The following BTBD1 variants were observed in gnomAD, a reference collection of about 807,000 sequenced individuals.
BTBD1 encodes the protein BTB/POZ domain-containing protein 1.
A neutral mutation model predicts 48.0 loss-of-function variants in BTBD1; 34 were observed. The observed-to-expected ratio is 0.71, with a 90% CI of 0.54 to 0.94. The LOEUF (loss-of-function observed/expected upper bound fraction) is 0.94. BTBD1 is among the 40% of genes least tolerant of loss of function. BTBD1 has a pLI of 0.00. For missense variants in BTBD1, 543 were observed against 625.6 expected, an observed-to-expected ratio of 0.87 and a Z score of 1.41; for synonymous variants, 261 against 242.1, an observed-to-expected ratio of 1.08 and a Z score of -0.72.
intron 6 of BTBD1, among the ~76,000 whole-genome samples, chr15:83,019,206 T>C (rs1015609093): frequency 2.6e-5 from 4 of 151,934 alleles, no homozygotes; most frequent in Admixed American, 6.6e-5. Flanking sequence ...ATTACAGATG[T>C]GCGCGACCAC....
intron 4 of BTBD1, among the ~76,000 whole-genome samples, chr15:83,040,574 C>T (rs2032732325): frequency 6.6e-6 from 1 of 151,634 alleles, no homozygotes. Flanking sequence ...GCGGTGCACG[C>T]CTGTAATCCC....
intron 2 of BTBD1, among the ~76,000 whole-genome samples, chr15:83,051,026 C>T (rs902103450): frequency 1.4e-5 from 2 of 145,522 alleles, no homozygotes; most frequent in African/African-American, 5.2e-5. Flanking sequence ...ATAACCCTCC[C>T]CCACAAAAAA....
At chr15:83,056,626 G>A in intron 1 of BTBD1, 81 bp from the exon 2 acceptor site, 5 of 1,208,288 alleles carry the variant, frequency 4.1e-6, no homozygotes, top group South Asian at 1.4e-5. Context: ...TTTCTGAGGA[G>A]TATTTACTTA....
rs2151317363 is a variant in BTBD1 at position 83,066,879 on chromosome 15, G to A, written c.273C>T (p.Pro91=). 3 of 1,493,228 alleles carry A rather than the reference G, an allele frequency of 2.0e-6. No homozygotes were observed. The highest frequency in any genetic ancestry group is 1.3e-5 in the South Asian group (1 of 77,208). 92.5% of individuals were successfully genotyped at this position (1,493,228 alleles called of 1,614,324 possible). A position where few individuals can be genotyped will look rare whatever the true frequency, so the allele number is the denominator to read the frequency against. Residue 91 remains proline (P), a synonymous_variant, in exon 1 of 8, where the codon CCC becomes CCT. Transcript: ENST00000261721. ...AAAAGGPQRI[P]AHRFVLAAGS... ...CGGCCGCCAGCACGAAGCGGTGGGC[G>A]GGGATGCGCTGCGGGCCCCCAGCGG...
intron 5 of BTBD1, among the ~76,000 whole-genome samples, chr15:83,026,969 CGTGTGTGTGTGT>C (rs71156067): frequency 0.13 from 19,606 of 150,232 alleles, 1,313 homozygotes; most frequent in Middle Eastern, 0.24. Context: ...AGGGGAAATA[CGTGTGTGTGTGT>C]GTGTGTGTGT....
rs908941116 is a variant in BTBD1 at position 83,018,921 on chromosome 15, A to T, written c.1144-68T>A. On this transcript the variant is annotated intron_variant, in intron 6 of 7. Transcript: ENST00000261721. The stretch of plus-strand genomic sequence containing the variant: ...TAAAGCAAACTATAGAAAATAATAT[A>T]AAGCCCTTAGCAATGTGTGCGTGTG... 4.1e-6 allele frequency: 5 copies of T among 1,225,124 alleles called. No individual in the cohort carries two copies. In the African/African-American group the frequency reaches 8.1e-5, roughly 20 times the overall value. The allele number at this position is 1,225,124 out of a possible 1,614,324, so 75.9% of individuals were successfully genotyped here. A position where few individuals can be genotyped will look rare whatever the true frequency, so the allele number is the denominator to read the frequency against.
chr15:83,042,348 T>TA (rs2032777258), intron 3 of BTBD1, among the ~76,000 whole-genome samples: 10 of 109,896 alleles, frequency 9.1e-5, no homozygotes, highest in African/African-American at 3.0e-4. Context: ...TTAGGCAATT[T>TA]TATATATATA....
chr15:83,034,459 C>T (rs1353442224), intron 4 of BTBD1, among the ~76,000 whole-genome samples: 1 of 151,974 alleles, frequency 6.6e-6, no homozygotes, highest in Non-Finnish European at 1.5e-5. Context: ...ACTAAAAATA[C>T]AAAATTTAGC....
intron 4 of BTBD1, among the ~76,000 whole-genome samples, chr15:83,036,608 T>C (rs1393940734): frequency 6.6e-6 from 1 of 152,192 alleles, no homozygotes; most frequent in Non-Finnish European, 1.5e-5. Flanking sequence ...TACGTATGTA[T>C]ACCAAATCAC....
intron 3 of BTBD1, among the ~76,000 whole-genome samples, chr15:83,042,571 A>G (rs1393621208): frequency 1.3e-5 from 2 of 151,798 alleles, no homozygotes; most frequent in East Asian, 3.9e-4. Flanking sequence ...TTTAGTAGAG[A>G]CAGGGTTTCA....
At chr15:83,058,399 GAGAATGCTAAC>G (rs1438257628) in intron 1 of BTBD1, among the ~76,000 whole-genome samples, 9 of 152,160 alleles carry the variant, frequency 5.9e-5, no homozygotes, top group African/African-American at 2.2e-4. Context: ...TTGAGAGAGA[GAGAATGCTAAC>G]AGCATGCTCA....
intron 1 of BTBD1, among the ~76,000 whole-genome samples, chr15:83,057,145 T>G (rs189754197): frequency 6.6e-6 from 1 of 152,292 alleles, no homozygotes; most frequent in East Asian, 1.9e-4. Flanking sequence ...TCCTCTCACA[T>G]AGAAGGAAGG....
At chr15:83,046,128 G>A (rs1339104964) in intron 3 of BTBD1, among the ~76,000 whole-genome samples, 2 of 152,014 alleles carry the variant, frequency 1.3e-5, no homozygotes, top group African/African-American at 4.8e-5. Context: ...AGGCATAATA[G>A]TTCACACCTG....
intron 4 of BTBD1, among the ~76,000 whole-genome samples, chr15:83,040,721 A>C (rs1361906866): frequency 6.6e-6 from 1 of 151,056 alleles, no homozygotes; most frequent in African/African-American, 2.4e-5. Context: ...AAAAAAAAAA[A>C]CCATGAGACT....
At chr15:83,054,120 C>T (rs1045905288) in intron 2 of BTBD1, among the ~76,000 whole-genome samples, 2 of 152,204 alleles carry the variant, frequency 1.3e-5, no homozygotes, top group Non-Finnish European at 2.9e-5. Context: ...AGGTGGATCA[C>T]TTGAGGTCAG....
chr15:83,032,130 G>C (rs2032529509), intron 4 of BTBD1, among the ~76,000 whole-genome samples: 1 of 152,088 alleles, frequency 6.6e-6, no homozygotes, highest in African/African-American at 2.4e-5. Flanking sequence ...AAACCAGCCT[G>C]ACCAACATGG....
intron 1 of BTBD1, among the ~76,000 whole-genome samples, chr15:83,063,844 G>A (rs191091087): frequency 5.9e-5 from 9 of 152,202 alleles, no homozygotes; most frequent in African/African-American, 1.9e-4. Context: ...CCCTTGCTGA[G>A]AATGTTCCTT....
intron 4 of BTBD1, among the ~76,000 whole-genome samples, chr15:83,039,984 G>C (rs1032065006): frequency 2.1e-5 from 3 of 146,116 alleles, no homozygotes; most frequent in South Asian, 2.2e-4. Flanking sequence ...TAGAGAATGT[G>C]ACACACACAC....
intron 1 of BTBD1, among the ~76,000 whole-genome samples, chr15:83,064,648 GT>G (rs747896928): frequency 5.3e-4 from 80 of 152,094 alleles, no homozygotes; most frequent in Middle Eastern, 3.4e-3. Context: ...TAGGGAGAGT[GT>G]TAAAAATGCT....
Sources: allele counts gnomAD v4.1 joint callset (sites outside exome capture counted in the v4.1 genomes callset), GRCh38; gene constraint gnomAD v4.1.1; transcripts MANE v1.5; gene names NCBI Gene and HGNC (gene_info 2026-07-23, HGNC 2026-07-21).